The following BRINP2 variants were observed in gnomAD, a reference collection of about 807,000 sequenced individuals.
BRINP2 encodes the protein BMP/retinoic acid-inducible neural-specific protein 2.
BRINP2 carries 21 observed loss-of-function variants against 69.2 expected under a neutral mutation model. That is an observed-to-expected ratio of 0.30 (90% confidence interval 0.22 to 0.44). The LOEUF (loss-of-function observed/expected upper bound fraction) is 0.44, where lower values mean the gene tolerates loss of function less well. Ranked by LOEUF, BRINP2 falls within the 20% of genes least tolerant of loss-of-function variation. The pLI is 1.00. For missense variants in BRINP2, 877 were observed against 986.0 expected, an observed-to-expected ratio of 0.89 and a Z score of 1.48; for synonymous variants, 380 against 394.1, an observed-to-expected ratio of 0.96 and a Z score of 0.42.
At chr1:177,219,339 T>G (rs1649461573) in intron 1 of BRINP2, among the ~76,000 whole-genome samples, 1 of 152,160 alleles carries the variant, frequency 6.6e-6, no homozygotes, top group African/African-American at 2.4e-5. Flanking sequence ...TATGGGGGCC[T>G]AAAGAGAGAG....
chr1:177,201,881 T>C (rs2102304064), intron 1 of BRINP2, among the ~76,000 whole-genome samples: 1 of 152,312 alleles, frequency 6.6e-6, no homozygotes, highest in South Asian at 2.1e-4. Context: ...TTTCAGAGCC[T>C]GTTATTGGTC....
intron 2 of BRINP2, among the ~76,000 whole-genome samples, chr1:177,236,770 T>C (rs984741468): frequency 3.9e-5 from 6 of 152,150 alleles, no homozygotes; most frequent in Non-Finnish European, 5.9e-5. Flanking sequence ...AGATGTGGTT[T>C]AGGAACTGAG....
chr1:177,182,193 C>A (rs1418768267), intron 1 of BRINP2, among the ~76,000 whole-genome samples: 1 of 150,368 alleles, frequency 6.7e-6, no homozygotes, highest in East Asian at 2.0e-4. Flanking sequence ...TCACTCAGCC[C>A]CTGCAGCAAT....
Position 177,229,805 on chromosome 1 carries a change from G to A in BRINP2, c.-72G>A, listed in dbSNP as rs932200722. The stretch of plus-strand genomic sequence containing the variant: ...ATGCCTTTTGTACTTTTCCAGCTCC[G>A]AGCCCTGGAGGAGCAGCACGGAGCG... On this transcript the variant is annotated 5_prime_UTR_variant, in exon 2 of 8. Coordinates refer to ENST00000361539, the MANE Select transcript of BRINP2 (RefSeq NM_021165.4). 30 of 1,501,820 alleles carry A rather than the reference G, an allele frequency of 2.0e-5. No individual in the cohort carries two copies. In the East Asian group the frequency reaches 6.3e-4, roughly 31 times the overall value. 93.0% of individuals were successfully genotyped at this position (1,501,820 alleles called of 1,614,324 possible).
chr1:177,245,236 T>A (rs191974048), intron 2 of BRINP2, among the ~76,000 whole-genome samples: 1 of 152,112 alleles, frequency 6.6e-6, no homozygotes, highest in Non-Finnish European at 1.5e-5. Flanking sequence ...ATCTACCAGA[T>A]TGTGTTCAAT....
intron 2 of BRINP2, among the ~76,000 whole-genome samples, chr1:177,238,871 T>A (rs1255498372): frequency 6.6e-6 from 1 of 152,236 alleles, no homozygotes; most frequent in African/African-American, 2.4e-5. Context: ...TTTTACTAAG[T>A]ACTTTATTAA....
intron 1 of BRINP2, among the ~76,000 whole-genome samples, chr1:177,200,582 T>A (rs1294141867): frequency 1.3e-5 from 2 of 152,118 alleles, no homozygotes; most frequent in African/African-American, 4.8e-5. Flanking sequence ...CGGCTTGTCA[T>A]ACTTTTTTCT....
intron 1 of BRINP2, among the ~76,000 whole-genome samples, chr1:177,220,963 C>G (rs1211141775): frequency 1.3e-5 from 2 of 152,204 alleles, no homozygotes; most frequent in African/African-American, 4.8e-5. Flanking sequence ...CTTATCTAAG[C>G]TGGAAAAGTG....
intron 1 of BRINP2, among the ~76,000 whole-genome samples, chr1:177,210,754 AG>A (rs1649198778): frequency 6.6e-6 from 1 of 151,920 alleles, no homozygotes; most frequent in African/African-American, 2.4e-5. Flanking sequence ...ACATCTAAAT[AG>A]AGAATCAAAA....
chr1:177,203,490 A>G (rs995881703), intron 1 of BRINP2, among the ~76,000 whole-genome samples: 1 of 152,294 alleles, frequency 6.6e-6, no homozygotes, highest in Non-Finnish European at 1.5e-5. Flanking sequence ...ACGATAAAAA[A>G]ATAAAAAAAG....
At chr1:177,248,973 G>C (rs562615249) in intron 2 of BRINP2, among the ~76,000 whole-genome samples, 12 of 152,178 alleles carry the variant, frequency 7.9e-5, no homozygotes, top group Non-Finnish European at 1.8e-4. Flanking sequence ...CTCTCTTATT[G>C]CAGGGCCCCT....
chr1:177,273,473 T>G lies in BRINP2; in HGVS notation c.670-15T>G. On this transcript the variant is annotated splice_polypyrimidine_tract_variant and intron_variant, in intron 4 of 7. Coordinates refer to ENST00000361539, the MANE Select transcript of BRINP2 (RefSeq NM_021165.4). ...CTTGTTATCTAAACCCACTCCCTAC[T>G]CCTTCCTTCTCTAGGTCACCGAGAC... is the stretch of plus-strand genomic sequence containing the variant. 6.3e-7 allele frequency: 1 copy of G among 1,584,294 alleles called. No homozygotes were observed. Among genetic ancestry groups the G allele is most frequent in the Non-Finnish European group, 8.6e-7 (1 of 1,160,644 alleles).
intron 1 of BRINP2, among the ~76,000 whole-genome samples, chr1:177,200,340 A>C (rs891257764): frequency 6.8e-6 from 1 of 146,444 alleles, no homozygotes; most frequent in Non-Finnish European, 1.5e-5. Flanking sequence ...TTAATGCATT[A>C]TCAACATAGC....
intron 1 of BRINP2, among the ~76,000 whole-genome samples, chr1:177,180,738 A>G (rs1008151492): frequency 6.6e-6 from 1 of 152,218 alleles, no homozygotes; most frequent in Non-Finnish European, 1.5e-5. Flanking sequence ...ACTCCTTGGA[A>G]CCTAAAAGTA....
intron 1 of BRINP2, among the ~76,000 whole-genome samples, chr1:177,192,175 T>C (rs1407123993): frequency 1.3e-5 from 2 of 152,222 alleles, no homozygotes; most frequent in South Asian, 2.1e-4. Flanking sequence ...CCTGTAAACC[T>C]AATTTCCTCT....
chr1:177,280,516 A>T lies in BRINP2; in HGVS notation c.1340A>T (p.Tyr447Phe), dbSNP rs752069766. Residue 447 changes from tyrosine to phenylalanine, a missense_variant, in exon 8 of 8, where the codon TAT (tyrosine) becomes TTT (phenylalanine). Around this residue, in one of 3 missense-constraint regions of BRINP2, gnomAD observed 566 missense variants for 625.2 expected, o/e 0.91. Coordinates refer to ENST00000361539, the MANE Select transcript of BRINP2 (RefSeq NM_021165.4). The stretch of plus-strand genomic sequence containing the variant: ...CAGAGCCACAGCTGCACCTGCCCCT[A>T]TGACCAATCTTCCTGCCAGGGCCCC... ...LEQSHSCTCP[Y>F]DQSSCQGPIP... 2 of 1,614,178 alleles carry T rather than the reference A, an allele frequency of 1.2e-6. No individual in the cohort carries two copies. Among genetic ancestry groups the T allele is most frequent in the Non-Finnish European group, 1.7e-6 (2 of 1,180,034 alleles).
chr1:177,254,204 C>G lies in BRINP2; in HGVS notation c.270-1715C>G, dbSNP rs1191714493. On this transcript the variant is annotated intron_variant, in intron 2 of 7. Coordinates refer to ENST00000361539, the MANE Select transcript of BRINP2 (RefSeq NM_021165.4). ...TGCAATCTTCTAGAATAAGGCTTCT[C>G]AAAATATGGATCCGCTTAGTCTATT... 2.6e-4 allele frequency among the ~76,000 whole-genome samples: 40 copies of G among 152,122 alleles called. 1 individual carries two copies. Among genetic ancestry groups the G allele is most frequent in the Admixed American group, 2.6e-3 (40 of 15,272 alleles).
chr1:177,190,258 C>T (rs1648549715), intron 1 of BRINP2, among the ~76,000 whole-genome samples: 1 of 152,178 alleles, frequency 6.6e-6, no homozygotes, highest in Non-Finnish European at 1.5e-5. Flanking sequence ...ACTTGCTCCT[C>T]TTGTTTCTGA....
intron 1 of BRINP2, among the ~76,000 whole-genome samples, chr1:177,176,707 A>G (rs1434909964): frequency 3.9e-5 from 6 of 151,984 alleles, no homozygotes; most frequent in Non-Finnish European, 7.4e-5. Flanking sequence ...TAAGGCATGT[A>G]TTTCTAAAAT....
Sources: allele counts gnomAD v4.1 joint callset (sites outside exome capture counted in the v4.1 genomes callset), GRCh38; gene constraint gnomAD v4.1.1; regional missense constraint gnomAD v4.1.1; transcripts MANE v1.5; gene names NCBI Gene and HGNC (gene_info 2026-07-23, HGNC 2026-07-21).